ST6GALNAC5: variants seen among roughly 807,000 people sequenced by gnomAD.
ST6GALNAC5 encodes alpha-N-acetylgalactosaminide alpha-2,6-sialyltransferase 5.
In ST6GALNAC5, 27 loss-of-function variants were observed where a neutral mutation model predicts 33.6. The ratio of observed to expected loss-of-function variants is 0.80; its 90% confidence interval spans 0.59 to 1.11. The LOEUF is 1.11. ST6GALNAC5 is among the 50% of genes least tolerant of loss of function. The pLI is 0.00. For synonymous variants in ST6GALNAC5, 194 were observed against 171.2 expected (o/e 1.13, Z -1.04); for missense variants, 428 against 454.0 (o/e 0.94, Z 0.52).
chr1:76,966,675 C>T (rs976059367), intron 2 of ST6GALNAC5, among the ~76,000 whole-genome samples: 1 of 152,146 alleles, frequency 6.6e-6, no homozygotes, highest in South Asian at 2.1e-4. Context: ...TGTCTTGTGC[C>T]AGTTTTCAAA....
intron 2 of ST6GALNAC5, among the ~76,000 whole-genome samples, chr1:76,960,271 T>C (rs2100348922): frequency 1.3e-5 from 2 of 152,242 alleles, no homozygotes; most frequent in Non-Finnish European, 2.9e-5. Context: ...GTCAGCAGGT[T>C]CCGTGATGCC....
intron 2 of ST6GALNAC5, among the ~76,000 whole-genome samples, chr1:76,957,378 T>C (rs1005959852): frequency 6.6e-6 from 1 of 152,170 alleles, no homozygotes; most frequent in Admixed American, 6.5e-5. Context: ...CCTCTCTTCT[T>C]ATAAGGAATG....
rs1006379924 is a variant in ST6GALNAC5, at chr1:77,044,658, G to A, written c.671+45G>A. 6 of 1,510,928 alleles carry A rather than the reference G, an allele frequency of 4.0e-6. No individual in the cohort carries two copies. The African/African-American group carries it at 5.6e-5, about 14-fold the overall frequency. 93.6% of individuals were successfully genotyped at this position (1,510,928 alleles called of 1,614,324 possible). On this transcript the variant is annotated intron_variant, in intron 3 of 4. Transcript: ENST00000477717. ...AAGATGCAGGGGAGGGTGAGGATAAGTCATCACTGGCTGACTCACCCAAAG... is the reference window on the plus strand; with the variant it reads ...AAGATGCAGGGGAGGGTGAGGATAAATCATCACTGGCTGACTCACCCAAAG...
At chr1:76,982,243 C>T (rs113469815) in intron 2 of ST6GALNAC5, among the ~76,000 whole-genome samples, 23,260 of 152,066 alleles carry the variant, frequency 0.15, 1,861 homozygotes, top group South Asian at 0.29. Context: ...TCAAACCCAT[C>T]GCAAGGAAGC....
intron 2 of ST6GALNAC5, among the ~76,000 whole-genome samples, chr1:76,894,189 T>C (rs1326623408): frequency 1.3e-5 from 2 of 152,230 alleles, no homozygotes; most frequent in Non-Finnish European, 2.9e-5. Context: ...GTTTCTCCCT[T>C]GACCTTTTTG....
At chr1:76,928,617 G>A (rs9658903) in intron 2 of ST6GALNAC5, among the ~76,000 whole-genome samples, 5,556 of 152,150 alleles carry the variant, frequency 0.037, 353 homozygotes, top group African/African-American at 0.13. Context: ...AGTTGGGTAC[G>A]TATTTGGACA....
chr1:76,962,366 C>T (rs1298914298), intron 2 of ST6GALNAC5, among the ~76,000 whole-genome samples: 1 of 152,164 alleles, frequency 6.6e-6, no homozygotes, highest in Non-Finnish European at 1.5e-5. Context: ...AAGCCACTCA[C>T]AGAAAGTTTA....
At chr1:77,049,298 C>G (rs1385267953) in intron 3 of ST6GALNAC5, among the ~76,000 whole-genome samples, 1 of 152,088 alleles carries the variant, frequency 6.6e-6, no homozygotes, top group Non-Finnish European at 1.5e-5. Context: ...GATGCTATGG[C>G]TGGGCAAAGT....
intron 2 of ST6GALNAC5, among the ~76,000 whole-genome samples, chr1:76,871,057 G>T (rs1653491503): frequency 6.6e-6 from 1 of 152,198 alleles, no homozygotes; most frequent in African/African-American, 2.4e-5. Context: ...GTAAAATGTT[G>T]TTTATGTTCT....
intron 2 of ST6GALNAC5, among the ~76,000 whole-genome samples, chr1:76,969,226 C>A (rs1648632815): frequency 6.6e-6 from 1 of 152,170 alleles, no homozygotes. Context: ...ATTGTCTGAA[C>A]CAGGAAGTGC....
chr1:76,874,807 C>G (rs576592536), intron 2 of ST6GALNAC5, among the ~76,000 whole-genome samples: 4 of 152,140 alleles, frequency 2.6e-5, no homozygotes, highest in African/African-American at 9.7e-5. Context: ...CAAGTTGACA[C>G]TCAGTATTAA....
chr1:76,886,977 AC>A (rs1234748604), intron 2 of ST6GALNAC5, among the ~76,000 whole-genome samples: 17 of 152,092 alleles, frequency 1.1e-4, no homozygotes, highest in African/African-American at 4.1e-4. Context: ...GGTTATTTTC[AC>A]CTTTTGCCTA....
rs74411765 is a variant in ST6GALNAC5, at chr1:77,001,117, C to T, written c.262-43087C>T. ...ATGTTCACGATATTGATTCTTCCTA[C>T]CCATGAGCATGGAATGTTCTTCCAT... On this transcript the variant is annotated intron_variant, in intron 2 of 4. Coordinates refer to ENST00000477717, the MANE Select transcript of ST6GALNAC5 (RefSeq NM_030965.3). Among the ~76,000 whole-genome samples the T allele has an allele frequency of 1.2e-3, 185 of 151,744 alleles. 2 individuals are homozygous for T. Among genetic ancestry groups the T allele is most frequent in the African/African-American group, 4.4e-3 (182 of 41,340 alleles).
intron 3 of ST6GALNAC5, among the ~76,000 whole-genome samples, chr1:77,046,183 G>T (rs1305470890): frequency 6.6e-6 from 1 of 152,188 alleles, no homozygotes; most frequent in African/African-American, 2.4e-5. Context: ...GAAAGGCTGA[G>T]GCAAGAGGAT....
intron 2 of ST6GALNAC5, among the ~76,000 whole-genome samples, chr1:76,892,552 A>G (rs1352898962): frequency 6.6e-6 from 1 of 152,244 alleles, no homozygotes; most frequent in Non-Finnish European, 1.5e-5. Context: ...CTAAACATCT[A>G]AATGTATTTT....
At chr1:76,957,961 C>T (rs187410121) in intron 2 of ST6GALNAC5, among the ~76,000 whole-genome samples, 51 of 152,118 alleles carry the variant, frequency 3.4e-4, no homozygotes, top group African/African-American at 1.2e-3. Context: ...TCATGATACT[C>T]ATATTTTTGA....
At chr1:76,932,055 A>G (rs1307232315) in intron 2 of ST6GALNAC5, among the ~76,000 whole-genome samples, 1 of 152,124 alleles carries the variant, frequency 6.6e-6, no homozygotes, top group Non-Finnish European at 1.5e-5. Flanking sequence ...AGCAAGGTGG[A>G]GTGGAAGTTG....
intron 2 of ST6GALNAC5, among the ~76,000 whole-genome samples, chr1:77,017,564 A>C (rs1650898840): frequency 6.6e-6 from 1 of 152,160 alleles, no homozygotes; most frequent in Non-Finnish European, 1.5e-5. Flanking sequence ...CTGAGTTTTC[A>C]AGGGAGGCCA....
chr1:76,950,925 CTA>C (rs1224458193), intron 2 of ST6GALNAC5, among the ~76,000 whole-genome samples: 1 of 151,922 alleles, frequency 6.6e-6, no homozygotes, highest in Non-Finnish European at 1.5e-5. Context: ...AGGAATGTGA[CTA>C]ATCTCACGAA....
Sources: gnomAD v4.1 joint callset for allele counts (sites outside exome capture counted in the v4.1 genomes callset) on GRCh38, gnomAD v4.1.1 for gene constraint, MANE v1.5 for transcripts, NCBI Gene and HGNC (gene_info 2026-07-23, HGNC 2026-07-21) for gene names.